GFRA2: variants seen among roughly 807,000 people sequenced by gnomAD.
GFRA2 encodes GDNF family receptor alpha 2, also known as GDNF family receptor alpha-2.
Under a neutral mutation model 48.3 loss-of-function variants are expected in GFRA2, and 17 were observed. The ratio of observed to expected loss-of-function variants is 0.35; its 90% CI spans 0.24 to 0.53. The LOEUF is 0.53. Ranked by LOEUF, GFRA2 falls within the 20% of genes least tolerant of loss-of-function variation. The pLI, the probability that GFRA2 is intolerant of heterozygous loss-of-function variation, is 0.93. For missense variants in GFRA2, 660 were observed against 637.3 expected (o/e 1.04, Z -0.38); for synonymous variants, 305 against 257.2 (o/e 1.19, Z -1.78).
intron 1 of GFRA2, among the ~76,000 whole-genome samples, chr8:21,808,548 G>A (rs751457148): frequency 2.6e-5 from 4 of 152,202 alleles, no homozygotes; most frequent in South Asian, 2.1e-4. Context: ...CCTGTAGGAC[G>A]GGACTTGGTC....
Position 21,690,474 on chromosome 8 carries a change from C to T in GFRA2, c.*2804G>A, listed in dbSNP as rs1801844841. ...AGAGAATCACAAATAGGAATCATCT[C>T]AACCAAAGGAATGAATACCTAATGG... On this transcript the variant is annotated 3_prime_UTR_variant, in exon 9 of 9. Coordinates refer to ENST00000524240, the MANE Select transcript of GFRA2 (RefSeq NM_001495.5). 6.6e-6 allele frequency: 1 copy of T among 152,220 alleles called. No individual in the cohort carries two copies. The highest frequency in any genetic ancestry group is 6.5e-5 in the Admixed American group (1 of 15,288). The allele number at this position is 152,220 out of a possible 1,614,324, so 9.4% of individuals were successfully genotyped here.
chr8:21,796,123 G>T (rs1807671594), intron 2 of GFRA2, among the ~76,000 whole-genome samples: 1 of 152,164 alleles, frequency 6.6e-6, no homozygotes, highest in East Asian at 1.9e-4. Context: ...TATCCTAGCT[G>T]GGTGTCTGGT....
chr8:21,746,292 G>A (rs1324854347), intron 4 of GFRA2, among the ~76,000 whole-genome samples: 1 of 152,142 alleles, frequency 6.6e-6, no homozygotes, highest in East Asian at 1.9e-4. Flanking sequence ...TCTCCATCAT[G>A]CACAAGGTTC....
In GFRA2 at chr8:21,775,003, C is replaced by A; in HGVS notation, c.408G>T (p.Ser136=). ...SPYEPVTSRL[S]DIFRLASIFS... ...AGATTGAAGCAAGCCTGAAGATGTC[C>A]GAGAGGCGGGAGGTCACCGGCTCAT... The change falls in exon 3 of 9, where the codon TCG becomes TCT. Residue 136 remains serine, a synonymous_variant. Transcript: ENST00000524240. The A allele has an allele frequency of 3.7e-6, 6 of 1,605,580 alleles. No homozygotes were observed. Among genetic ancestry groups the A allele is most frequent in the Non-Finnish European group, 5.1e-6 (6 of 1,172,576 alleles).
chr8:21,782,313 C>T (rs78841759), intron 2 of GFRA2, among the ~76,000 whole-genome samples: 6,398 of 143,908 alleles, frequency 0.044, 252 homozygotes, highest in African/African-American at 0.094. Flanking sequence ...CTTCCTCCAG[C>T]GCCTGTTCTC....
chr8:21,766,038 T>C (rs1190484738), intron 3 of GFRA2, among the ~76,000 whole-genome samples: 1 of 152,094 alleles, frequency 6.6e-6, no homozygotes, highest in Non-Finnish European at 1.5e-5. Flanking sequence ...TTCAAACACA[T>C]AGATCATACT....
At position 21,767,521 on chromosome 8, in the gene GFRA2, G is replaced by A. The variant is rs966251758; in HGVS notation, c.439+7451C>T. On this transcript the variant is annotated intron_variant, in intron 3 of 8. Transcript: ENST00000524240. ...GTGCTCACAACCTGTTTTCTGAGCC[G>A]GAGTGATTGCAGTTGATGGCGAAGC... Among the ~76,000 whole-genome samples, 6 of 152,320 alleles carry A rather than the reference G, an allele frequency of 3.9e-5. No individual in the cohort carries two copies. The East Asian group carries it at 5.8e-4, about 15-fold the overall frequency.
chr8:21,789,583 A>G (rs1346598909), upstream of GFRA2, among the ~76,000 whole-genome samples: 3 of 152,144 alleles, frequency 2.0e-5, no homozygotes, highest in Non-Finnish European at 4.4e-5. Flanking sequence ...TGCCAGGGAA[A>G]GGAATTATCC....
intron 3 of GFRA2, among the ~76,000 whole-genome samples, chr8:21,757,230 A>G (rs1365283177): frequency 1.3e-5 from 2 of 152,044 alleles, no homozygotes; most frequent in Admixed American, 1.3e-4. Flanking sequence ...GCCCTGCCGC[A>G]GCCACACCCA....
intron 4 of GFRA2, among the ~76,000 whole-genome samples, chr8:21,716,027 G>A (rs1196818559): frequency 2.0e-5 from 3 of 152,062 alleles, no homozygotes; most frequent in Admixed American, 2.0e-4. Context: ...CTGTCACTTG[G>A]AACAGAAACA....
chr8:21,750,573 T>TGCCGCGGCACTCACCGACACA lies in GFRA2; in HGVS notation c.788_794+14dup. ...GCCCTCCTGCCAGCACCACCGGGGC[T>TGCCGCGGCACTCACCGACACA]GCCGCGGCACTCACCGACACAGGTG... On this transcript the variant is annotated intron_variant, in intron 4 of 8. Coordinates refer to ENST00000524240, the MANE Select transcript of GFRA2 (RefSeq NM_001495.5). This position sits in a 1 kb window ranked among gnomAD's most constrained non-coding sequence, Gnocchi z 5.7. 6.6e-7 allele frequency: 1 copy of TGCCGCGGCACTCACCGACACA among 1,518,744 alleles called. No individual in the cohort carries two copies. Among genetic ancestry groups the TGCCGCGGCACTCACCGACACA allele is most frequent in the Non-Finnish European group, 9.0e-7 (1 of 1,110,298 alleles). 94.1% of individuals were successfully genotyped at this position (1,518,744 alleles called of 1,614,324 possible). A position where few individuals can be genotyped will look rare whatever the true frequency, so the allele number is the denominator to read the frequency against.
chr8:21,735,169 C>T (rs1312608197), intron 4 of GFRA2, among the ~76,000 whole-genome samples: 1 of 152,174 alleles, frequency 6.6e-6, no homozygotes, highest in African/African-American at 2.4e-5. Context: ...ACATCCTCAG[C>T]CTTGGCAAAA....
At chr8:21,714,469 T>C (rs1803235260) in intron 4 of GFRA2, among the ~76,000 whole-genome samples, 1 of 151,934 alleles carries the variant, frequency 6.6e-6, no homozygotes, top group Non-Finnish European at 1.5e-5. Flanking sequence ...CCAGGGGGTC[T>C]CAAACTCCTG....
At chr8:21,694,442 C>A in intron 8 of GFRA2, 22 bp downstream of exon 8, 1 of 1,608,426 alleles carries the variant, frequency 6.2e-7, no homozygotes, top group Non-Finnish European at 8.5e-7. Flanking sequence ...CTGCACCCAT[C>A]CCCACTCTGC....
chr8:21,808,988 G>A (rs1299558851), intron 1 of GFRA2, among the ~76,000 whole-genome samples: 1 of 152,184 alleles, frequency 6.6e-6, no homozygotes. Context: ...AATGCATTGT[G>A]GAATGAAGCA....
At chr8:21,732,700 C>T (rs548503937) in intron 4 of GFRA2, among the ~76,000 whole-genome samples, 225 of 152,344 alleles carry the variant, frequency 1.5e-3, no homozygotes, top group African/African-American at 5.1e-3. Flanking sequence ...ACATTTCCTG[C>T]TAGCCAGGCT....
At chr8:21,773,194 G>C (rs923640878) in intron 3 of GFRA2, among the ~76,000 whole-genome samples, 32 of 152,362 alleles carry the variant, frequency 2.1e-4, no homozygotes, top group African/African-American at 7.7e-4. Flanking sequence ...TCCAGCCCTT[G>C]GCCAAGACTT....
Position 21,782,859 on chromosome 8 carries a change from C to T in GFRA2, c.81G>A (p.Gln27=). ...LRSLASPSSL[Q]GPELHGWRPP... The stretch of plus-strand genomic sequence containing the variant: ...GGCGCCAGCCGTGGAGCTCGGGGCC[C>T]TGCAGGGAGGAAGGGCTGGCCAAAG... Residue 27 remains glutamine (Q), a synonymous_variant, in exon 2 of 9, where the codon CAG becomes CAA. Coordinates refer to ENST00000524240, the MANE Select transcript of GFRA2 (RefSeq NM_001495.5). 1 of 1,568,392 alleles carries T rather than the reference C, an allele frequency of 6.4e-7. No homozygotes were observed. The highest frequency in any genetic ancestry group is 2.3e-5 in the East Asian group (1 of 43,250).
intron 4 of GFRA2, among the ~76,000 whole-genome samples, chr8:21,706,647 C>A (rs1253293818): frequency 6.6e-6 from 1 of 152,164 alleles, no homozygotes; most frequent in Non-Finnish European, 1.5e-5. Context: ...CATCCCTCCA[C>A]CCCTACCCTA....
Sources: gnomAD v4.1 joint callset for allele counts (sites outside exome capture counted in the v4.1 genomes callset) on GRCh38, gnomAD v4.1.1 for gene constraint, Gnocchi (gnomAD v3.1) non-coding constraint, MANE v1.5 for transcripts, NCBI Gene and HGNC (gene_info 2026-07-23, HGNC 2026-07-21) for gene names.